Variants in ZNF805 observed in about 807,000 individuals in gnomAD.
ZNF805 encodes zinc finger protein 805, also known as CTC-444N24.8.
A neutral mutation model predicts 13.6 loss-of-function variants in ZNF805; 7 were observed. The observed-to-expected ratio is 0.51, with a 90% CI of 0.29 to 0.97. The LOEUF (loss-of-function observed/expected upper bound fraction) is 0.97, where lower values mean the gene tolerates loss of function less well. ZNF805 is among the 50% of genes least tolerant of loss of function. The pLI is 0.08. For missense variants in ZNF805, 604 were observed against 771.0 expected, an observed-to-expected ratio of 0.78 and a Z score of 2.57; for synonymous variants, 293 against 279.8, an observed-to-expected ratio of 1.05 and a Z score of -0.47.
intron 3 of ZNF805, among the ~76,000 whole-genome samples, chr19:57,252,578 T>G (rs983554897): frequency 6.6e-6 from 1 of 152,132 alleles, no homozygotes; most frequent in Admixed American, 6.5e-5. Context: ...GGAGCTCTGG[T>G]TTTTAGAGTT....
intron 3 of ZNF805, among the ~76,000 whole-genome samples, chr19:57,249,081 C>G (rs1191522092): frequency 1.3e-5 from 2 of 152,164 alleles, no homozygotes; most frequent in African/African-American, 4.8e-5. Flanking sequence ...TCACTCATAC[C>G]AAGGTCTGTG....
At position 57,253,055 on chromosome 19, in the gene ZNF805, G is replaced by C. The variant is rs544449300; in HGVS notation, c.254-18G>C. 1.1e-4 allele frequency: 158 copies of C among 1,425,550 alleles called. 2 individuals are homozygous for C. The South Asian group carries it at 2.5e-3, about 23-fold the overall frequency. 88.3% of individuals were successfully genotyped at this position (1,425,550 alleles called of 1,614,324 possible). A position where few individuals can be genotyped will look rare whatever the true frequency, so the allele number is the denominator to read the frequency against. ...TTACATTACTAACAAGCCCTTCTGT[G>C]TGTTGGATTTCTTTCAGGTGACAAA... On this transcript the variant is annotated intron_variant, in intron 3 of 3. Transcript: ENST00000414468. This position sits in a 1 kb window ranked among gnomAD's most constrained non-coding sequence, Gnocchi z 4.4.
At position 57,261,804 on chromosome 19, in the gene ZNF805, T is replaced by C. The variant is rs181437376; in HGVS notation, c.*7101T>C. The C allele has an allele frequency of 6.0e-6, 1 of 167,192 alleles. No individual in the cohort carries two copies. Among genetic ancestry groups the C allele is most frequent in the African/African-American group, 2.4e-5 (1 of 41,572 alleles). 10.4% of individuals were successfully genotyped at this position (167,192 alleles called of 1,614,324 possible). Reference sequence around the variant, plus strand: ...AGCATTTTGTCATACTCAATGGCTATGATTTACCACACCGAAAGAATCCAG... The same window carrying C: ...AGCATTTTGTCATACTCAATGGCTACGATTTACCACACCGAAAGAATCCAG... On this transcript the variant is annotated 3_prime_UTR_variant, in exon 4 of 4. Coordinates refer to ENST00000414468, the MANE Select transcript of ZNF805 (RefSeq NM_001023563.4).
chr19:57,259,039 C>T lies in ZNF805; in HGVS notation c.*4336C>T, dbSNP rs1203180255. Reference sequence around the variant, plus strand: ...ATCTGTTGCCATTTGAACCATTGTTCCCTAGTTCATAATGTGCCATTTTTA... The same window carrying T: ...ATCTGTTGCCATTTGAACCATTGTTTCCTAGTTCATAATGTGCCATTTTTA... On this transcript the variant is annotated 3_prime_UTR_variant, in exon 4 of 4. Coordinates refer to ENST00000414468, the MANE Select transcript of ZNF805 (RefSeq NM_001023563.4). Among the ~76,000 whole-genome samples, 1 of 152,108 alleles carries T rather than the reference C, an allele frequency of 6.6e-6. No individual in the cohort carries two copies. The highest frequency in any genetic ancestry group is 1.5e-5 in the Non-Finnish European group (1 of 68,016).
chr19:57,245,815 C>T (rs574646860), intron 2 of ZNF805, among the ~76,000 whole-genome samples: 52 of 152,068 alleles, frequency 3.4e-4, no homozygotes, highest in African/African-American at 1.2e-3. Flanking sequence ...ACATTGACAG[C>T]TAGTGGGTGG....
intron 2 of ZNF805, among the ~76,000 whole-genome samples, chr19:57,246,362 T>C (rs2087618717): frequency 6.6e-6 from 1 of 152,170 alleles, no homozygotes; most frequent in Non-Finnish European, 1.5e-5. Context: ...GTTGTTTTGA[T>C]TTATTGCTAC....
chr19:57,262,077 A>G lies in ZNF805; in HGVS notation c.*7374A>G, dbSNP rs925542910. 3 of 166,564 alleles carry G rather than the reference A, an allele frequency of 1.8e-5. No homozygotes were observed. Among genetic ancestry groups the G allele is most frequent in the African/African-American group, 7.2e-5 (3 of 41,442 alleles). The allele number at this position is 166,564 out of a possible 1,614,324, so 10.3% of individuals were successfully genotyped here. A position where few individuals can be genotyped will look rare whatever the true frequency, so the allele number is the denominator to read the frequency against. ...AACAGGAGGTGTTCAGCGTAAGACA[A>G]TTTAGGCACACGGAGCTACTTCTCA... On this transcript the variant is annotated 3_prime_UTR_variant, in exon 4 of 4. Transcript: ENST00000414468.
At position 57,253,120 on chromosome 19, in the gene ZNF805, G is replaced by A. The variant is rs2087661371; in HGVS notation, c.301G>A (p.Ala101Thr). The change falls in exon 4 of 4, where the codon GCC becomes ACC. Residue 101 changes from alanine to threonine, a missense_variant. Ala to Thr is a moderately conservative substitution (Grantham distance 58). Around this residue, in one of 3 missense-constraint regions of ZNF805, gnomAD observed 327 missense variants for 378.2 expected, o/e 0.86. Transcript: ENST00000414468. This position sits in a 1 kb window ranked among gnomAD's most constrained non-coding sequence, Gnocchi z 4.4. ...KSTEPTTCEL[A>T]LSEGISFWGQ... Reference sequence around the variant, plus strand: ...CACAGAACCTACCACCTGTGAGCTAGCCTTGTCTGAAGGAATCTCTTTTTG... The same window carrying A: ...CACAGAACCTACCACCTGTGAGCTAACCTTGTCTGAAGGAATCTCTTTTTG... 1 of 1,511,574 alleles carries A rather than the reference G, an allele frequency of 6.6e-7. No individual in the cohort carries two copies. The highest frequency in any genetic ancestry group is 8.8e-7 in the Non-Finnish European group (1 of 1,134,016). The allele number at this position is 1,511,574 out of a possible 1,614,324, so 93.6% of individuals were successfully genotyped here.
In ZNF805 at chr19:57,240,726, A is replaced by G. The variant is rs1599982576; in HGVS notation, c.-166A>G. Reference sequence around the variant, plus strand: ...ATGAGCAGGTAGGAGGCCGACAGCGACCTCCGCGTCTCGGAGCGAACCGTG... The same window carrying G: ...ATGAGCAGGTAGGAGGCCGACAGCGGCCTCCGCGTCTCGGAGCGAACCGTG... On this transcript the variant is annotated 5_prime_UTR_variant, in exon 1 of 4. Coordinates refer to ENST00000414468, the MANE Select transcript of ZNF805 (RefSeq NM_001023563.4). 1.7e-6 allele frequency: 1 copy of G among 595,472 alleles called. No homozygotes were observed. Among genetic ancestry groups the G allele is most frequent in the Admixed American group, 3.5e-5 (1 of 28,652 alleles). 36.9% of individuals were successfully genotyped at this position (595,472 alleles called of 1,614,324 possible).
chr19:57,253,400 C>G lies in ZNF805; in HGVS notation c.581C>G (p.Pro194Arg). ...GACTCACATGGATCAGGTAAAAATC[C>G]AGTTATTCAGGAAGAGGAAAATATC... ...DCDSHGSGKN[P>R]VIQEEENIFK... The change falls in exon 4 of 4, where the codon CCA becomes CGA. Residue 194 changes from proline (P) to arginine (R), a missense_variant. Transcript: ENST00000414468. This position sits in a 1 kb window ranked among gnomAD's most constrained non-coding sequence, Gnocchi z 4.4. 6.4e-7 allele frequency: 1 copy of G among 1,560,912 alleles called. No homozygotes were observed. The highest frequency in any genetic ancestry group is 8.7e-7 in the Non-Finnish European group (1 of 1,152,034).
chr19:57,254,446 G>T lies in ZNF805; in HGVS notation c.1627G>T (p.Glu543Ter). 6.2e-7 allele frequency: 1 copy of T among 1,614,238 alleles called. No homozygotes were observed. Among genetic ancestry groups the T allele is most frequent in the African/African-American group, 1.3e-5 (1 of 75,046 alleles). The change falls in exon 4 of 4, where the codon GAA (glutamate) becomes TAA (stop). Residue 543 changes from glutamate (E) to a stop codon, truncating the protein, a stop_gained. Transcript: ENST00000414468. LOFTEE classifies it low-confidence loss of function (END_TRUNC). ...HTGEKPYECS[E>*]CGKAFSRSSS... is the part of the protein sequence containing the mutation. ...TGGAGAGAAGCCGTATGAGTGCAGTGAATGTGGAAAGGCCTTCAGTCGCAG... is the reference window on the plus strand; with the variant it reads ...TGGAGAGAAGCCGTATGAGTGCAGTTAATGTGGAAAGGCCTTCAGTCGCAG...
chr19:57,253,649 A>G lies in ZNF805; in HGVS notation c.830A>G (p.His277Arg). 2 of 1,614,052 alleles carry G rather than the reference A, an allele frequency of 1.2e-6. No homozygotes were observed. Among genetic ancestry groups the G allele is most frequent in the Non-Finnish European group, 1.7e-6 (2 of 1,180,016 alleles). ...AFNRKSHLTQHQRIHSGEKPY... is the reference protein window; with the variant it reads ...AFNRKSHLTQRQRIHSGEKPY... The stretch of plus-strand genomic sequence containing the variant: ...AATCGGAAGTCACACCTTACCCAGC[A>G]CCAGCGGATTCACAGTGGAGAGAAG... Residue 277 changes from histidine to arginine, a missense_variant, in exon 4 of 4, where the codon CAC (histidine) becomes CGC (arginine). Around this residue, in one of 3 missense-constraint regions of ZNF805, gnomAD observed 327 missense variants for 378.2 expected, o/e 0.86. Coordinates refer to ENST00000414468, the MANE Select transcript of ZNF805 (RefSeq NM_001023563.4). The surrounding 1 kb of genome is among the most constrained non-coding windows in gnomAD (Gnocchi z 4.4).
intron 1 of ZNF805, among the ~76,000 whole-genome samples, chr19:57,243,191 G>C: frequency 6.6e-6 from 1 of 152,198 alleles, no homozygotes; most frequent in Non-Finnish European, 1.5e-5. Flanking sequence ...ACTCCAGTCT[G>C]GGTAATAGAG....
rs770051991 is a variant in ZNF805 at position 57,254,268 on chromosome 19, T to C, written c.1449T>C (p.Tyr483=). The C allele has an allele frequency of 4.3e-6, 7 of 1,614,148 alleles. No individual in the cohort carries two copies. Among genetic ancestry groups the C allele is most frequent in the Non-Finnish European group, 5.9e-6 (7 of 1,180,034 alleles). ...HFSIHTGEKP[Y]ECMECGKAFN... ...GCATCCACACTGGAGAGAAGCCCTA[T>C]GAGTGCATGGAGTGTGGAAAGGCCT... The change falls in exon 4 of 4, where the codon TAT becomes TAC. Residue 483 remains tyrosine, a synonymous_variant. Transcript: ENST00000414468.
chr19:57,252,788 C>T (rs190270509), intron 3 of ZNF805, among the ~76,000 whole-genome samples: 50 of 152,200 alleles, frequency 3.3e-4, no homozygotes, highest in Non-Finnish European at 6.8e-4. Context: ...ATTTAGGTAC[C>T]TATAATGAGT....
chr19:57,240,849 G>A lies in ZNF805; in HGVS notation c.-43G>A. ...CGGCTGAGCCCGCGAGACCCGCCCT[G>A]CTCGCCGCAGCCCCCGCCCCGCTAG... On this transcript the variant is annotated 5_prime_UTR_variant, in exon 1 of 4. Transcript: ENST00000414468. The A allele has an allele frequency of 6.5e-7, 1 of 1,542,580 alleles. No homozygotes were observed. Among genetic ancestry groups the A allele is most frequent in the East Asian group, 2.5e-5 (1 of 40,220 alleles).
rs57383056 is a variant in ZNF805, at chr19:57,258,869, T to G, written c.*4166T>G. On this transcript the variant is annotated 3_prime_UTR_variant, in exon 4 of 4. Transcript: ENST00000414468. ...TGTGTAACCTTTTTTCTAGGGTCAG[T>G]CTGCTGGTGTCTCTAAAAGTGTCTT... 0.2 allele frequency among the ~76,000 whole-genome samples: 31,030 copies of G among 152,082 alleles called. 3,540 individuals carry two copies. The highest frequency in any genetic ancestry group is 0.3 in the African/African-American group (12,599 of 41,452).
intron 1 of ZNF805, among the ~76,000 whole-genome samples, chr19:57,243,071 T>C (rs2087589368): frequency 6.6e-6 from 1 of 152,082 alleles, no homozygotes; most frequent in Admixed American, 6.6e-5. Flanking sequence ...AAAGAAATAG[T>C]TGGGCGCAGT....
Position 57,259,271 on chromosome 19 carries a change from G to A in ZNF805, c.*4568G>A, listed in dbSNP as rs1276925906. ...CATCCCTACTCTTTCTCCTCTCTGT[G>A]ATATGAATGGTAGAGCTTTTGTTAC... is the stretch of plus-strand genomic sequence containing the variant. On this transcript the variant is annotated 3_prime_UTR_variant, in exon 4 of 4. Transcript: ENST00000414468. Among the ~76,000 whole-genome samples, 2 of 151,930 alleles carry A rather than the reference G, an allele frequency of 1.3e-5. No homozygotes were observed. Among genetic ancestry groups the A allele is most frequent in the Admixed American group, 6.6e-5 (1 of 15,258 alleles).
Sources: allele counts gnomAD v4.1 joint callset (sites outside exome capture counted in the v4.1 genomes callset), GRCh38; gene constraint gnomAD v4.1.1; regional missense constraint gnomAD v4.1.1; non-coding constraint Gnocchi (gnomAD v3.1); transcripts MANE v1.5; gene names NCBI Gene and HGNC (gene_info 2026-07-23, HGNC 2026-07-21).